DNM3: variants seen among roughly 807,000 people sequenced by gnomAD.
DNM3 encodes dynamin-3.
DNM3 carries 47 observed loss-of-function variants against 101.6 expected under a neutral mutation model. The ratio of observed to expected loss-of-function variants is 0.46; its 90% confidence interval spans 0.37 to 0.59. DNM3 has a LOEUF of 0.59. Among genes scored for constraint, DNM3 ranks in the 20% least tolerant of loss-of-function variants. The pLI, the probability that DNM3 is intolerant of heterozygous loss-of-function variation, is 0.00. For missense variants in DNM3, 849 were observed against 1,085.7 expected (o/e 0.78, Z 3.06); for synonymous variants, 385 against 387.9 (o/e 0.99, Z 0.09).
chr1:171,883,580 T>C (rs1211104537), intron 1 of DNM3, among the ~76,000 whole-genome samples: 2 of 152,078 alleles, frequency 1.3e-5, no homozygotes, highest in Non-Finnish European at 1.5e-5. Flanking sequence ...CAAGTGATTC[T>C]CCTGCCACAG....
At chr1:171,976,464 A>G (rs1372127459) in intron 2 of DNM3, among the ~76,000 whole-genome samples, 2 of 152,214 alleles carry the variant, frequency 1.3e-5, no homozygotes, top group Non-Finnish European at 2.9e-5. Flanking sequence ...CCTTTTATAA[A>G]ACCATCAGCT....
intron 14 of DNM3, among the ~76,000 whole-genome samples, chr1:172,134,690 T>C (rs1399755963): frequency 4.6e-5 from 7 of 152,076 alleles, no homozygotes; most frequent in South Asian, 2.1e-4. Flanking sequence ...TACAAATAAA[T>C]AGGAAAACCT....
chr1:172,327,258 A>C (rs2065974266), intron 17 of DNM3, among the ~76,000 whole-genome samples: 1 of 152,182 alleles, frequency 6.6e-6, no homozygotes, highest in Non-Finnish European at 1.5e-5. Flanking sequence ...ATTCGTGGGA[A>C]AAGTGGTTAT....
intron 13 of DNM3, among the ~76,000 whole-genome samples, chr1:172,120,222 G>A (rs1490532626): frequency 1.3e-5 from 2 of 152,178 alleles, no homozygotes; most frequent in East Asian, 3.9e-4. Flanking sequence ...GGCAAATGAG[G>A]TTCAAAGTCA....
At chr1:172,113,435 T>A (rs1488203577) in intron 13 of DNM3, among the ~76,000 whole-genome samples, 1 of 152,002 alleles carries the variant, frequency 6.6e-6, no homozygotes, top group East Asian at 1.9e-4. Context: ...CTGGCCGACA[T>A]GGTGAAACCC....
Position 172,216,178 on chromosome 1 carries a change from T to C in DNM3, c.1660-37395T>C, listed in dbSNP as rs1290152158. On this transcript the variant is annotated intron_variant, in intron 14 of 20. Transcript: ENST00000627582. ...TGCAGCATTCCATATCTCATCCAAATATAATAATCTATTGGGAAATCATAT... is the reference window on the plus strand; with the variant it reads ...TGCAGCATTCCATATCTCATCCAAACATAATAATCTATTGGGAAATCATAT... Among the ~76,000 whole-genome samples, 3 of 152,048 alleles carry C rather than the reference T, an allele frequency of 2.0e-5. No homozygotes were observed. In the South Asian group the frequency reaches 6.2e-4, roughly 31 times the overall value.
At chr1:172,028,577 C>T (rs1045620478) in intron 4 of DNM3, among the ~76,000 whole-genome samples, 1 of 152,058 alleles carries the variant, frequency 6.6e-6, no homozygotes, top group East Asian at 1.9e-4. Context: ...AAGAGCAGAA[C>T]TGAAGGAGAT....
intron 11 of DNM3, among the ~76,000 whole-genome samples, chr1:172,069,257 A>T (rs1257751500): frequency 6.6e-6 from 1 of 152,182 alleles, no homozygotes; most frequent in Non-Finnish European, 1.5e-5. Flanking sequence ...TTTAAGACAG[A>T]GGTTCTTAAC....
rs76562180 is a variant in DNM3 at position 172,398,762 on chromosome 1, A to G, written c.2523-9010A>G. On this transcript the variant is annotated intron_variant, in intron 20 of 20. Transcript: ENST00000627582. ...TTTTTGTAAGACAGATGCCTAAAAG[A>G]CATATGGTTTTCATAGATTTTCCGT... Among the ~76,000 whole-genome samples the G allele has an allele frequency of 3.2e-3, 482 of 152,328 alleles. 5 individuals are homozygous for G. The highest frequency in any genetic ancestry group is 0.011 in the African/African-American group (469 of 41,576).
At chr1:172,238,790 A>G (rs1329157578) in intron 14 of DNM3, among the ~76,000 whole-genome samples, 1 of 152,190 alleles carries the variant, frequency 6.6e-6, no homozygotes, top group East Asian at 1.9e-4. Flanking sequence ...AGCTAACAGA[A>G]AAACAAAGCT....
At chr1:172,394,099 A>T (rs1230150869) in intron 20 of DNM3, 1 of 152,246 alleles carries the variant, frequency 6.6e-6, no homozygotes, top group East Asian at 1.9e-4. Flanking sequence ...CAATTATTTC[A>T]TTGGAGTGAA....
At chr1:172,270,910 G>A (rs936743314) in intron 15 of DNM3, among the ~76,000 whole-genome samples, 1 of 152,122 alleles carries the variant, frequency 6.6e-6, no homozygotes, top group Non-Finnish European at 1.5e-5. Context: ...AACTGCCTTT[G>A]CTCTCAGTGT....
At chr1:172,072,792 C>T (rs1304261176) in intron 11 of DNM3, among the ~76,000 whole-genome samples, 6 of 152,074 alleles carry the variant, frequency 3.9e-5, no homozygotes, top group South Asian at 4.1e-4. Context: ...GAGGCTGAGG[C>T]GGGAGAATTG....
chr1:172,139,174 G>A, intron 14 of DNM3: 1 of 306,108 alleles, frequency 3.3e-6, no homozygotes, highest in Admixed American at 4.7e-5. Flanking sequence ...TAAACACAAG[G>A]TTTATTCTTA....
At position 172,106,847 on chromosome 1, in the gene DNM3, C is replaced by CTTTTTTTTTTTTTTTTTTTT. The variant is rs1165611083; in HGVS notation, c.1545+13977_1545+13996dup. ...TTATTCAATTTAAGGTAACATTATT[C>CTTTTTTTTTTTTTTTTTTTT]TTTTTTTTTTTTTTTTTTTTTTTTG... On this transcript the variant is annotated intron_variant, in intron 13 of 20. Coordinates refer to ENST00000627582, the MANE Select transcript of DNM3 (RefSeq NM_015569.5). Among the ~76,000 whole-genome samples, 9 of 67,954 alleles carry CTTTTTTTTTTTTTTTTTTTT rather than the reference C, an allele frequency of 1.3e-4. 1 individual carries two copies. The highest frequency in any genetic ancestry group is 4.4e-4 in the African/African-American group (7 of 15,790). 44.6% of individuals were successfully genotyped at this position (67,954 alleles called of 152,430 possible).
At chr1:172,359,810 C>G (rs1169593194) in intron 17 of DNM3, among the ~76,000 whole-genome samples, 1 of 151,986 alleles carries the variant, frequency 6.6e-6, no homozygotes, top group Non-Finnish European at 1.5e-5. Context: ...TTCTGCGGCT[C>G]TTTTCCCTGA....
At chr1:171,862,113 C>T (rs1287685402) in intron 1 of DNM3, among the ~76,000 whole-genome samples, 2 of 152,170 alleles carry the variant, frequency 1.3e-5, no homozygotes, top group Non-Finnish European at 2.9e-5. Context: ...AATTGGAACA[C>T]TCATCCATTA....
At chr1:172,159,450 T>C (rs2058465660) in intron 14 of DNM3, among the ~76,000 whole-genome samples, 1 of 152,090 alleles carries the variant, frequency 6.6e-6, no homozygotes. Flanking sequence ...TATGGATTGG[T>C]CCTCCTCAGA....
chr1:172,247,939 C>T (rs867088258), intron 14 of DNM3, among the ~76,000 whole-genome samples: 2 of 152,232 alleles, frequency 1.3e-5, no homozygotes, highest in Non-Finnish European at 1.5e-5. Context: ...CCACCTCAGC[C>T]TCCCAAAGTG....
Sources: allele counts gnomAD v4.1 joint callset (sites outside exome capture counted in the v4.1 genomes callset), GRCh38; gene constraint gnomAD v4.1.1; transcripts MANE v1.5; gene names NCBI Gene and HGNC (gene_info 2026-07-23, HGNC 2026-07-21).